STXBP6: variants seen among roughly 807,000 people sequenced by gnomAD.
STXBP6 encodes the protein syntaxin binding protein 6, also known as syntaxin-binding protein 6.
Under a neutral mutation model 26.9 loss-of-function variants are expected in STXBP6, and 21 were observed. That is an observed-to-expected ratio of 0.78 (90% confidence interval 0.55 to 1.12). The LOEUF is 1.12. STXBP6 is among the 50% of genes most tolerant of loss of function. STXBP6 has a pLI of 0.00. For missense variants in STXBP6, 232 were observed against 257.9 expected (o/e 0.90, Z 0.69); for synonymous variants, 97 against 92.6 (o/e 1.05, Z -0.27).
chr14:24,991,074 C>A lies in STXBP6; in HGVS notation c.-32-16224G>T, dbSNP rs557519309. Among the ~76,000 whole-genome samples, 6 of 146,802 alleles carry A rather than the reference C, an allele frequency of 4.1e-5. No individual in the cohort carries two copies. The South Asian group carries it at 1.1e-3, about 27-fold the overall frequency. On this transcript the variant is annotated intron_variant, in intron 1 of 5. Coordinates refer to ENST00000323944, the MANE Select transcript of STXBP6 (RefSeq NM_001394410.1). ...CAGACAGAAGACAGAGGAGAGGCAG[C>A]AGAGGAGAGAAGAGGAAAGCAGAGA...
chr14:24,836,606 C>CAAAA (rs71449215), intron 4 of STXBP6, among the ~76,000 whole-genome samples: 6,088 of 43,568 alleles, frequency 0.14, 525 homozygotes, highest in Admixed American at 0.23. Context: ...GACTCCCTCT[C>CAAAA]AAAAAAAAAA....
At chr14:24,914,421 CT>C (rs1264925709) in intron 2 of STXBP6, among the ~76,000 whole-genome samples, 2 of 152,154 alleles carry the variant, frequency 1.3e-5, no homozygotes, top group Non-Finnish European at 2.9e-5. Context: ...TTTCAAAATA[CT>C]GGCTACTGTA....
intron 2 of STXBP6, among the ~76,000 whole-genome samples, chr14:24,941,960 A>G (rs930657662): frequency 6.6e-6 from 1 of 152,240 alleles, no homozygotes; most frequent in Non-Finnish European, 1.5e-5. Context: ...CATCTGCACC[A>G]GTTCCCCCTC....
At chr14:24,849,536 G>GT (rs899564702) in intron 4 of STXBP6, among the ~76,000 whole-genome samples, 5 of 152,112 alleles carry the variant, frequency 3.3e-5, no homozygotes, top group Non-Finnish European at 5.9e-5. Context: ...AACATCAGCT[G>GT]TATCTCTTAA....
intron 2 of STXBP6, among the ~76,000 whole-genome samples, chr14:24,909,500 G>A (rs1292265905): frequency 6.6e-6 from 1 of 152,086 alleles, no homozygotes; most frequent in Non-Finnish European, 1.5e-5. Context: ...AACTGTTAAG[G>A]TGGGGCATGG....
chr14:24,985,090 T>C (rs2074298153), intron 1 of STXBP6, among the ~76,000 whole-genome samples: 1 of 152,228 alleles, frequency 6.6e-6, no homozygotes. Flanking sequence ...AATCGAGCTG[T>C]AGTTTGAAGT....
chr14:24,812,463 T>C lies in STXBP6; in HGVS notation c.*246A>G, dbSNP rs1168697384. On this transcript the variant is annotated 3_prime_UTR_variant, in exon 6 of 6. Coordinates refer to ENST00000323944, the MANE Select transcript of STXBP6 (RefSeq NM_001394410.1). ...CATACATATACACACATACACACAG[T>C]GGGAGGAGGCAAAAACCCAAAATGA... 1 of 549,486 alleles carries C rather than the reference T, an allele frequency of 1.8e-6. No homozygotes were observed. The allele number at this position is 549,486 out of a possible 1,614,324, so 34.0% of individuals were successfully genotyped here. A position where few individuals can be genotyped will look rare whatever the true frequency, so the allele number is the denominator to read the frequency against.
At chr14:24,839,272 G>T (rs80303794) in intron 4 of STXBP6, among the ~76,000 whole-genome samples, 3,948 of 152,220 alleles carry the variant, frequency 0.026, 195 homozygotes, top group East Asian at 0.21. Flanking sequence ...AGAAAGGAAT[G>T]GAATTCCTTT....
rs2067808844 is a variant in STXBP6, at chr14:24,811,037, A to G, written c.*1672T>C. On this transcript the variant is annotated 3_prime_UTR_variant, in exon 6 of 6. Transcript: ENST00000323944. The stretch of plus-strand genomic sequence containing the variant: ...TCTTTAAATTTTTAAGACACCAAAA[A>G]GAAAGTATAAAATATTATAGTTAAC... 1.3e-5 allele frequency: 2 copies of G among 152,192 alleles called. No homozygotes were observed. Among genetic ancestry groups the G allele is most frequent in the Admixed American group, 6.6e-5 (1 of 15,262 alleles). The allele number at this position is 152,192 out of a possible 1,614,324, so 9.4% of individuals were successfully genotyped here.
intron 2 of STXBP6, among the ~76,000 whole-genome samples, chr14:24,912,046 G>C (rs781470460): frequency 9.9e-5 from 15 of 152,136 alleles, no homozygotes; most frequent in Non-Finnish European, 2.1e-4. Context: ...TTGTGCAATG[G>C]AAAGAGAGAA....
At chr14:24,820,703 T>A (rs1312049039) in intron 4 of STXBP6, among the ~76,000 whole-genome samples, 1 of 152,206 alleles carries the variant, frequency 6.6e-6, no homozygotes, top group African/African-American at 2.4e-5. Flanking sequence ...AATAGCACTT[T>A]GCAATCATAA....
intron 2 of STXBP6, among the ~76,000 whole-genome samples, chr14:24,900,272 C>T (rs930571215): frequency 8.5e-5 from 13 of 152,156 alleles, no homozygotes; most frequent in East Asian, 3.9e-4. Context: ...ATCAGAACCA[C>T]GTTTCAACCC....
intron 1 of STXBP6, among the ~76,000 whole-genome samples, chr14:24,996,553 A>G (rs1480672428): frequency 6.6e-6 from 1 of 150,994 alleles, no homozygotes; most frequent in Non-Finnish European, 1.5e-5. Context: ...CTTAAAAAAA[A>G]TAAAAAATTA....
At chr14:24,838,798 A>T (rs1179347990) in intron 4 of STXBP6, among the ~76,000 whole-genome samples, 1 of 152,174 alleles carries the variant, frequency 6.6e-6, no homozygotes, top group African/African-American at 2.4e-5. Flanking sequence ...GAGAGTGAGC[A>T]AGATTGAGCA....
At chr14:24,896,050 A>ATC (rs1467700746) in intron 2 of STXBP6, among the ~76,000 whole-genome samples, 1 of 152,156 alleles carries the variant, frequency 6.6e-6, no homozygotes, top group Non-Finnish European at 1.5e-5. Context: ...TACAAGAAGG[A>ATC]TCTCTCCAAG....
chr14:25,020,895 G>C lies in STXBP6; in HGVS notation c.-33+28983C>G, dbSNP rs182303920. Among the ~76,000 whole-genome samples, 12 of 152,244 alleles carry C rather than the reference G, an allele frequency of 7.9e-5. No individual in the cohort carries two copies. The East Asian group carries it at 1.9e-3, about 24-fold the overall frequency. On this transcript the variant is annotated intron_variant, in intron 1 of 5. Transcript: ENST00000323944. ...CTTAGATGATGCCTACTGTATCTCTGTCTGTGTCTACAACTGTGCACCTGG... is the reference window on the plus strand; with the variant it reads ...CTTAGATGATGCCTACTGTATCTCTCTCTGTGTCTACAACTGTGCACCTGG...
chr14:25,049,151 G>C lies in STXBP6; in HGVS notation c.-33+727C>G. 2 of 985,246 alleles carry C rather than the reference G, an allele frequency of 2.0e-6. No homozygotes were observed. The highest frequency in any genetic ancestry group is 2.4e-6 in the Non-Finnish European group (2 of 829,754). The allele number at this position is 985,246 out of a possible 1,614,324, so 61.0% of individuals were successfully genotyped here. A position where few individuals can be genotyped will look rare whatever the true frequency, so the allele number is the denominator to read the frequency against. ...GAAGATGAACGGGGTGGGGTGGTGA[G>C]GTGGCGGGGTGTTGTAAACCTGAGG... On this transcript the variant is annotated intron_variant, in intron 1 of 5. Transcript: ENST00000323944. This position sits in a 1 kb window ranked among gnomAD's most constrained non-coding sequence, Gnocchi z 5.6.
intron 2 of STXBP6, among the ~76,000 whole-genome samples, chr14:24,917,340 C>T (rs1008910545): frequency 1.3e-5 from 2 of 151,986 alleles, no homozygotes; most frequent in Non-Finnish European, 1.5e-5. Context: ...TGGCAACGCA[C>T]GTGGGGACAG....
chr14:25,021,783 C>T (rs1351301776), intron 1 of STXBP6, among the ~76,000 whole-genome samples: 2 of 152,196 alleles, frequency 1.3e-5, no homozygotes, highest in Non-Finnish European at 2.9e-5. Context: ...CCCCCTTTCT[C>T]TTTTCATTCT....
Sources: allele counts gnomAD v4.1 joint callset (sites outside exome capture counted in the v4.1 genomes callset), GRCh38; gene constraint gnomAD v4.1.1; non-coding constraint Gnocchi (gnomAD v3.1); transcripts MANE v1.5; gene names NCBI Gene and HGNC (gene_info 2026-07-23, HGNC 2026-07-21).